The following CDKN3 variants were observed in gnomAD, a reference collection of about 807,000 sequenced individuals.
CDKN3 encodes the protein cyclin dependent kinase inhibitor 3.
Under a neutral mutation model 36.1 loss-of-function variants are expected in CDKN3, and 19 were observed. That is an observed-to-expected ratio of 0.53 (90% CI 0.37 to 0.77). The LOEUF is 0.77. Among genes scored for constraint, CDKN3 ranks in the 30% least tolerant of loss-of-function variants. The pLI, the probability that CDKN3 is intolerant of heterozygous loss-of-function variation, is 0.00. For synonymous variants in CDKN3, 71 were observed against 85.3 expected (o/e 0.83, Z 0.92); for missense variants, 188 against 248.6 (o/e 0.76, Z 1.64).
At position 54,411,628 on chromosome 14, in the gene CDKN3, C is replaced by T. The variant is rs1422302494; in HGVS notation, c.338C>T (p.Thr113Ile). The T allele has an allele frequency of 1.2e-6, 2 of 1,613,922 alleles. No homozygotes were observed. The highest frequency in any genetic ancestry group is 2.2e-5 in the East Asian group (1 of 44,876). ...CATCATCCAATCGCAGATGGAGGGA[C>T]TCCTGACATAGCCAGCTGCTGTGAA... ...THHHPIADGG[T>I]PDIASCCEIM... Residue 113 changes from threonine (T) to isoleucine (I), a missense_variant, in exon 5 of 8, where the codon ACT becomes ATT. Coordinates refer to ENST00000335183, the MANE Select transcript of CDKN3 (RefSeq NM_005192.4).
At chr14:54,399,137 C>T (rs888753293) in intron 1 of CDKN3, among the ~76,000 whole-genome samples, 1 of 151,952 alleles carries the variant, frequency 6.6e-6, no homozygotes, top group Admixed American at 6.6e-5. Context: ...AGGCATGTGC[C>T]ACCATGCCTG....
intron 3 of CDKN3, 79 bp from the exon 4 acceptor site, chr14:54,408,666 T>C: frequency 7.2e-7 from 1 of 1,381,786 alleles, no homozygotes; most frequent in South Asian, 1.4e-5. Context: ...CTTTATAAAG[T>C]AGCTATATAA....
At chr14:54,402,955 T>C (rs547912540) in intron 3 of CDKN3, among the ~76,000 whole-genome samples, 137 of 152,368 alleles carry the variant, frequency 9.0e-4, no homozygotes, top group African/African-American at 3.2e-3. Context: ...TACTATAGCC[T>C]TGTAGTATAG....
chr14:54,413,587 G>A, intron 5 of CDKN3: 1 of 1,495,222 alleles, frequency 6.7e-7, no homozygotes, highest in Non-Finnish European at 9.0e-7. Flanking sequence ...CTGACAACTG[G>A]CATTTTTCAT....
At chr14:54,405,936 TG>T (rs1225383024) in intron 3 of CDKN3, among the ~76,000 whole-genome samples, 1 of 152,238 alleles carries the variant, frequency 6.6e-6, no homozygotes, top group Non-Finnish European at 1.5e-5. Flanking sequence ...ATAGCGTTGA[TG>T]GTCTTTGCAT....
intron 4 of CDKN3, 138 bp downstream of exon 4, chr14:54,408,927 A>C: frequency 8.3e-7 from 1 of 1,208,346 alleles, no homozygotes; most frequent in Non-Finnish European, 1.1e-6. Context: ...TCCAAACTAT[A>C]GACTTATTCT....
At chr14:54,398,075 G>A (rs1329151167) in intron 1 of CDKN3, among the ~76,000 whole-genome samples, 4 of 152,164 alleles carry the variant, frequency 2.6e-5, no homozygotes, top group Non-Finnish European at 5.9e-5. Flanking sequence ...AGGTTGCAGT[G>A]AGCGGATATC....
At chr14:54,397,373 G>A (rs1396813653) in intron 1 of CDKN3, among the ~76,000 whole-genome samples, 1 of 152,272 alleles carries the variant, frequency 6.6e-6, no homozygotes, top group East Asian at 1.9e-4. Context: ...AAAGAGGGCC[G>A]AGCCTCGTTG....
chr14:54,417,347 T>G (rs1164073914), intron 6 of CDKN3, among the ~76,000 whole-genome samples: 1 of 152,234 alleles, frequency 6.6e-6, no homozygotes, highest in Non-Finnish European at 1.5e-5. Context: ...AGACATATGC[T>G]ACAATATGTA....
intron 1 of CDKN3, among the ~76,000 whole-genome samples, chr14:54,399,310 T>C (rs566962602): frequency 6.6e-6 from 1 of 152,278 alleles, no homozygotes; most frequent in East Asian, 1.9e-4. Context: ...TAAAACCTGC[T>C]CTTCCTTCAA....
At chr14:54,398,123 C>T (rs1490700221) in intron 1 of CDKN3, among the ~76,000 whole-genome samples, 1 of 152,132 alleles carries the variant, frequency 6.6e-6, no homozygotes, top group African/African-American at 2.4e-5. Context: ...AGAGCAAAAC[C>T]CTATCTCAAG....
intron 3 of CDKN3, among the ~76,000 whole-genome samples, 197 bp downstream of exon 3, chr14:54,401,776 C>T (rs563119926): frequency 5.9e-5 from 9 of 152,150 alleles, no homozygotes; most frequent in South Asian, 2.1e-4. Flanking sequence ...TCCTTCATCC[C>T]CCTTCCACCT....
chr14:54,414,858 A>T (rs578028508), intron 5 of CDKN3, among the ~76,000 whole-genome samples: 56 of 152,012 alleles, frequency 3.7e-4, no homozygotes, highest in African/African-American at 1.3e-3. Flanking sequence ...CTCTCCCTTT[A>T]TATGGTAGAT....
At chr14:54,417,773 C>A in intron 6 of CDKN3, 75 bp from the exon 7 acceptor site, 1 of 758,642 alleles carries the variant, frequency 1.3e-6, no homozygotes, top group Non-Finnish European at 2.2e-6. Context: ...CAACAGAAGT[C>A]TTATTAAATA....
intron 2 of CDKN3, among the ~76,000 whole-genome samples, chr14:54,401,147 T>A (rs1188177903): frequency 6.6e-6 from 1 of 152,216 alleles, no homozygotes; most frequent in Non-Finnish European, 1.5e-5. Context: ...GTTTTTTGTT[T>A]TCTTGTTTTT....
In CDKN3 at chr14:54,397,053, C is replaced by G; in HGVS notation, c.-16C>G. Reference sequence around the variant, plus strand: ...CAGAGGGAGGCGGCACTGGTCTCGACGTGGGGCGGCCAGCGATGAAGCCGG... The same window carrying G: ...CAGAGGGAGGCGGCACTGGTCTCGAGGTGGGGCGGCCAGCGATGAAGCCGG... On this transcript the variant is annotated 5_prime_UTR_variant, in exon 1 of 8. Transcript: ENST00000335183. The G allele has an allele frequency of 6.7e-7, 1 of 1,498,222 alleles. No homozygotes were observed. Among genetic ancestry groups the G allele is most frequent in the Non-Finnish European group, 8.9e-7 (1 of 1,121,148 alleles). The allele number at this position is 1,498,222 out of a possible 1,614,324, so 92.8% of individuals were successfully genotyped here.
chr14:54,408,849 C>T, intron 4 of CDKN3, 60 bp downstream of exon 4: 1 of 1,481,392 alleles, frequency 6.8e-7, no homozygotes, highest in Non-Finnish European at 8.9e-7. Flanking sequence ...CATTGAAAAA[C>T]TCTCTGTCAA....
chr14:54,397,048 C>G lies in CDKN3; in HGVS notation c.-21C>G, dbSNP rs1332895133. On this transcript the variant is annotated 5_prime_UTR_variant, in exon 1 of 8. Transcript: ENST00000335183. ...CGCTGCAGAGGGAGGCGGCACTGGT[C>G]TCGACGTGGGGCGGCCAGCGATGAA... The G allele has an allele frequency of 4.7e-6, 7 of 1,497,208 alleles. No homozygotes were observed. The highest frequency in any genetic ancestry group is 6.2e-6 in the Non-Finnish European group (7 of 1,120,796). The allele number at this position is 1,497,208 out of a possible 1,614,324, so 92.7% of individuals were successfully genotyped here. A position where few individuals can be genotyped will look rare whatever the true frequency, so the allele number is the denominator to read the frequency against.
At chr14:54,410,604 G>C (rs891009237) in intron 4 of CDKN3, among the ~76,000 whole-genome samples, 1 of 152,134 alleles carries the variant, frequency 6.6e-6, no homozygotes, top group Non-Finnish European at 1.5e-5. Flanking sequence ...TGGCGACCTA[G>C]TCTATAAAAT....
Sources: allele counts gnomAD v4.1 joint callset (sites outside exome capture counted in the v4.1 genomes callset), GRCh38; gene constraint gnomAD v4.1.1; transcripts MANE v1.5; gene names NCBI Gene and HGNC (gene_info 2026-07-23, HGNC 2026-07-21).